Variants in CHD1L observed in about 807,000 individuals in gnomAD.
CHD1L encodes the protein ATP-dependent chromatin remodeler CHD1L.
Under a neutral mutation model 115.9 loss-of-function variants are expected in CHD1L, and 118 were observed. The ratio of observed to expected loss-of-function variants is 1.02; its 90% CI spans 0.88 to 1.19. The LOEUF is 1.19. Ranked by LOEUF, CHD1L falls within the 50% of genes most tolerant of loss-of-function variation. The pLI is 0.00. For missense variants in CHD1L, 1,179 were observed against 1,065.3 expected, an observed-to-expected ratio of 1.11 and a Z score of -1.49; for synonymous variants, 411 against 387.1, an observed-to-expected ratio of 1.06 and a Z score of -0.72.
chr1:147,265,988 G>A lies in CHD1L; in HGVS notation c.796G>A (p.Val266Ile). 6.2e-7 allele frequency: 1 copy of A among 1,613,786 alleles called. No homozygotes were observed. Among genetic ancestry groups the A allele is most frequent in the Non-Finnish European group, 8.5e-7 (1 of 1,179,842 alleles). Residue 266 changes from valine (V) to isoleucine (I), a missense_variant, in exon 8 of 23, where the codon GTA becomes ATA. Transcript: ENST00000369258. ...TCTGCTGAGGCGAGTGAAAGCTGAG[G>A]TAGCTACAGAGCTTCCCAAGAAGAC... Reference protein sequence around the residue: ...PFLLRRVKAEVATELPKKTEV... With the variant: ...PFLLRRVKAEIATELPKKTEV...
chr1:147,284,012 G>C lies in CHD1L; in HGVS notation c.1706-339G>C, dbSNP rs140821665. Among the ~76,000 whole-genome samples the C allele has an allele frequency of 7.8e-3, 1,183 of 152,296 alleles. 8 individuals carry two copies. The highest frequency in any genetic ancestry group is 0.02 in the Middle Eastern group (6 of 294). Reference sequence around the variant, plus strand: ...TAAAAAAGTACGGATTTTATTAGATGATCTTAATGTCAGTGAGATTTGCGC... The same window carrying C: ...TAAAAAAGTACGGATTTTATTAGATCATCTTAATGTCAGTGAGATTTGCGC... On this transcript the variant is annotated intron_variant, in intron 15 of 22. Coordinates refer to ENST00000369258, the MANE Select transcript of CHD1L (RefSeq NM_004284.6).
the CHD1L span, among the ~76,000 whole-genome samples, chr1:147,207,974 C>G: frequency 2.0e-4 from 30 of 152,300 alleles, no homozygotes; most frequent in Non-Finnish European, 3.7e-4. Context: ...AATCTGTCAG[C>G]TTCTTTCTTC....
At chr1:147,205,056 C>T in the CHD1L span, 1 of 639,398 alleles carries the variant, frequency 1.6e-6, no homozygotes, top group Non-Finnish European at 2.8e-6. Flanking sequence ...TATAGTCCAG[C>T]CATACCAGAC....
chr1:147,287,662 G>GT lies in CHD1L; in HGVS notation c.2252dup (p.Leu751PhefsTer11). Reference sequence around the variant, plus strand: ...GACTCTGGCCACTGGGGCAGAGGTGGTTTATTTACAGCTCTGGAAAAGCGA... The same window carrying GT: ...GACTCTGGCCACTGGGGCAGAGGTGGTTTTATTTACAGCTCTGGAAAAGCGA... On this transcript the variant is annotated frameshift_variant, in exon 19 of 23. Transcript: ENST00000369258. LOFTEE classifies it high-confidence loss of function. 1 of 1,613,998 alleles carries GT rather than the reference G, an allele frequency of 6.2e-7. No homozygotes were observed. Among genetic ancestry groups the GT allele is most frequent in the Non-Finnish European group, 8.5e-7 (1 of 1,179,962 alleles).
intron 20 of CHD1L, among the ~76,000 whole-genome samples, chr1:147,292,576 AAG>A (rs782627862): frequency 6.6e-6 from 1 of 152,338 alleles, no homozygotes; most frequent in South Asian, 2.1e-4. Flanking sequence ...TTACAAAGAA[AAG>A]AGATTTATTT....
chr1:147,241,811 C>T (rs1444642632), upstream of CHD1L, among the ~76,000 whole-genome samples: 4 of 152,150 alleles, frequency 2.6e-5, no homozygotes, highest in Admixed American at 6.5e-5. Flanking sequence ...AATGAGAATA[C>T]TATTCTAATG....
chr1:147,266,926 G>GA (rs1415757978), intron 8 of CHD1L, among the ~76,000 whole-genome samples: 4 of 152,124 alleles, frequency 2.6e-5, no homozygotes, highest in African/African-American at 7.2e-5. Flanking sequence ...GTATGTATGG[G>GA]AAAAAACACA....
intron 22 of CHD1L, 84 bp downstream of exon 22, chr1:147,294,601 A>G (rs1686883005): frequency 1.9e-6 from 2 of 1,066,116 alleles, no homozygotes; most frequent in Non-Finnish European, 2.7e-6. Context: ...TCTTAATCCA[A>G]GACCAAGTTT....
the CHD1L span, among the ~76,000 whole-genome samples, chr1:147,221,335 T>A: frequency 6.6e-6 from 1 of 152,212 alleles, no homozygotes; most frequent in South Asian, 2.1e-4. Context: ...AAACGTATCA[T>A]ACTAATGTAA....
rs1683633445 is a variant in CHD1L at position 147,287,487 on chromosome 1, C to T, written c.2222-148C>T. 2.5e-5 allele frequency: 14 copies of T among 555,720 alleles called. No individual in the cohort carries two copies. In the South Asian group the frequency reaches 3.3e-4, roughly 13 times the overall value. The allele number at this position is 555,720 out of a possible 1,614,324, so 34.4% of individuals were successfully genotyped here. On this transcript the variant is annotated intron_variant, in intron 18 of 22. Coordinates refer to ENST00000369258, the MANE Select transcript of CHD1L (RefSeq NM_004284.6). The stretch of plus-strand genomic sequence containing the variant: ...ACATAAACATATTTGGGAAGTCCAA[C>T]CTGTGATATTCCTAGGAGATAAGAT...
chr1:147,280,434 T>C (rs1295644722), intron 15 of CHD1L, among the ~76,000 whole-genome samples: 2 of 152,206 alleles, frequency 1.3e-5, no homozygotes, highest in Admixed American at 6.5e-5. Flanking sequence ...ATGTTTATGA[T>C]AGTATCAATC....
intron 12 of CHD1L, among the ~76,000 whole-genome samples, chr1:147,274,002 GACA>G (rs1677296171): frequency 6.6e-6 from 1 of 152,180 alleles, no homozygotes; most frequent in Non-Finnish European, 1.5e-5. Context: ...GCTGCACTTA[GACA>G]ACATGAATTC....
the CHD1L span, among the ~76,000 whole-genome samples, chr1:147,230,799 A>G: frequency 6.7e-6 from 1 of 150,322 alleles, no homozygotes; most frequent in Non-Finnish European, 1.5e-5. Flanking sequence ...ATTTGTGTAG[A>G]GGTGTTTATA....
chr1:147,268,796 C>A lies in CHD1L; in HGVS notation c.1003C>A (p.Pro335Thr). Reference protein sequence around the residue: ...PYLFDGVEPEPFEVGDHLTEA... With the variant: ...PYLFDGVEPETFEVGDHLTEA... Reference sequence around the variant, plus strand: ...TTCTTTTCTAGGTGTGGAGCCGGAGCCTTTTGAAGTTGGAGACCACCTGAC... The same window carrying A: ...TTCTTTTCTAGGTGTGGAGCCGGAGACTTTTGAAGTTGGAGACCACCTGAC... Residue 335 changes from proline to threonine, a missense_variant, in exon 10 of 23, where the codon CCT (proline) becomes ACT (threonine). Transcript: ENST00000369258. The A allele has an allele frequency of 1.9e-6, 3 of 1,613,278 alleles. No individual in the cohort carries two copies. Among genetic ancestry groups the A allele is most frequent in the Non-Finnish European group, 2.5e-6 (3 of 1,179,518 alleles).
intron 4 of CHD1L, 91 bp downstream of exon 4, chr1:147,256,018 A>G (rs1553940112): frequency 1.2e-6 from 1 of 803,352 alleles, no homozygotes; most frequent in African/African-American, 1.7e-5. Flanking sequence ...TTTTGTTGAG[A>G]GCACACACTT....
intron 14 of CHD1L, 87 bp downstream of exon 14, chr1:147,276,344 C>CAG: frequency 7.2e-7 from 1 of 1,398,116 alleles, no homozygotes; most frequent in Non-Finnish European, 9.8e-7. Context: ...CAGCACTCAC[C>CAG]CTCTCCCCAG....
chr1:147,246,387 G>A (rs1468567345), intron 1 of CHD1L, among the ~76,000 whole-genome samples: 1 of 152,210 alleles, frequency 6.6e-6, no homozygotes, highest in African/African-American at 2.4e-5. Flanking sequence ...GATTTTGTAT[G>A]AAAATAAATC....
chr1:147,235,663 G>A, the CHD1L span, among the ~76,000 whole-genome samples: 1 of 152,096 alleles, frequency 6.6e-6, no homozygotes, highest in African/African-American at 2.4e-5. Context: ...TAGGGTTAGG[G>A]TAAAAAAAAT....
chr1:147,202,493 T>C, the CHD1L span, among the ~76,000 whole-genome samples: 1 of 151,982 alleles, frequency 6.6e-6, no homozygotes, highest in African/African-American at 2.4e-5. Flanking sequence ...CTAATTTTTG[T>C]ATTTTTAGTA....
Sources: allele counts gnomAD v4.1 joint callset (sites outside exome capture counted in the v4.1 genomes callset), GRCh38; gene constraint gnomAD v4.1.1; transcripts MANE v1.5; gene names NCBI Gene and HGNC (gene_info 2026-07-23, HGNC 2026-07-21).